The following RTL1 variants were observed in gnomAD, a reference collection of about 807,000 sequenced individuals.
RTL1 encodes retrotransposon-like protein 1.
For synonymous variants in RTL1, 727 were observed against 748.4 expected (o/e 0.97, Z 0.47); for missense variants, 1,681 against 1,767.5 (o/e 0.95, Z 0.88).
At position 100,880,885 on chromosome 14, in the gene RTL1, C is replaced by T. The variant is rs1408567270; in HGVS notation, c.3904G>A (p.Ala1302Thr). Residue 1302 changes from alanine (A) to threonine (T), a missense_variant, in exon 4 of 4, where the codon GCA becomes ACA. By Grantham distance (58) the Ala-to-Thr change is moderately conservative. Coordinates refer to ENST00000649591, the MANE Select transcript of RTL1 (RefSeq NM_001134888.3). ...CTGAGCAGGTGCAGCTGGCCATCTGCACTGTGGATGTGGAGCAGGCGGCTA... is the reference window on the plus strand; with the variant it reads ...CTGAGCAGGTGCAGCTGGCCATCTGTACTGTGGATGTGGAGCAGGCGGCTA... ...LGSRLLHIHS[A>T]DGQLHLLSRE... 7.1e-7 allele frequency: 1 copy of T among 1,412,502 alleles called. No individual in the cohort carries two copies. The highest frequency in any genetic ancestry group is 3.4e-5 in the East Asian group (1 of 29,510). The allele number at this position is 1,412,502 out of a possible 1,614,324, so 87.5% of individuals were successfully genotyped here.
intron 2 of RTL1, among the ~76,000 whole-genome samples, chr14:100,897,421 C>G (rs565726888): frequency 6.6e-6 from 1 of 152,142 alleles, no homozygotes; most frequent in Non-Finnish European, 1.5e-5. Context: ...ATGCTTCCCT[C>G]GATCCCTCCC....
At chr14:100,899,389 C>T (rs529980385) in intron 2 of RTL1, among the ~76,000 whole-genome samples, 7 of 152,228 alleles carry the variant, frequency 4.6e-5, no homozygotes, top group African/African-American at 9.6e-5. Context: ...ACTGGAGTAA[C>T]GATGAGGGGC....
intron 3 of RTL1, among the ~76,000 whole-genome samples, chr14:100,887,379 G>A (rs1201586290): frequency 6.6e-6 from 1 of 152,024 alleles, no homozygotes; most frequent in Non-Finnish European, 1.5e-5. Flanking sequence ...ATTATTTTTA[G>A]CATAGAACAA....
In RTL1 at chr14:100,880,464, TG is replaced by T; in HGVS notation, c.*247del. 3.8e-6 allele frequency: 1 copy of T among 266,616 alleles called. No individual in the cohort carries two copies. The highest frequency in any genetic ancestry group is 5.8e-6 in the Non-Finnish European group (1 of 172,738). 16.5% of individuals were successfully genotyped at this position (266,616 alleles called of 1,614,324 possible). A position where few individuals can be genotyped will look rare whatever the true frequency, so the allele number is the denominator to read the frequency against. ...CACTCCCGGGCATGGGCTTGGGACC[TG>T]GAGAACGGAGAACTCGTAGCCCAGG... On this transcript the variant is annotated 3_prime_UTR_variant, in exon 4 of 4. Coordinates refer to ENST00000649591, the MANE Select transcript of RTL1 (RefSeq NM_001134888.3).
intron 3 of RTL1, among the ~76,000 whole-genome samples, chr14:100,888,586 C>CA (rs1476118608): frequency 6.6e-6 from 1 of 152,172 alleles, no homozygotes. Context: ...TAAAATCTTA[C>CA]AGTGTCTCTT....
At chr14:100,894,119 G>A (rs2038820822) in intron 2 of RTL1, among the ~76,000 whole-genome samples, 1 of 152,116 alleles carries the variant, frequency 6.6e-6, no homozygotes, top group South Asian at 2.1e-4. Flanking sequence ...AGACCAGCCT[G>A]GCTGACACCG....
At chr14:100,902,599 G>C (rs1214314135) in intron 2 of RTL1, among the ~76,000 whole-genome samples, 1 of 148,230 alleles carries the variant, frequency 6.7e-6, no homozygotes, top group Non-Finnish European at 1.5e-5. Flanking sequence ...GCCCTGGTCA[G>C]CCCTGCAGTA....
rs2038588606 is a variant in RTL1 at position 100,880,314 on chromosome 14, C to T, written c.*398G>A. On this transcript the variant is annotated 3_prime_UTR_variant, in exon 4 of 4. Transcript: ENST00000649591. ...GAGGTCAGTGTCCCAGGGTGGCCATCACCAGGCCGGGTGGGGGGCCCCGTC... is the reference window on the plus strand; with the variant it reads ...GAGGTCAGTGTCCCAGGGTGGCCATTACCAGGCCGGGTGGGGGGCCCCGTC... Among the ~76,000 whole-genome samples, 2 of 151,952 alleles carry T rather than the reference C, an allele frequency of 1.3e-5. No homozygotes were observed. The highest frequency in any genetic ancestry group is 2.4e-5 in the African/African-American group (1 of 41,356).
chr14:100,893,629 G>T lies in RTL1; in HGVS notation c.-148-124C>A, dbSNP rs1006848748. Reference sequence around the variant, plus strand: ...CAGTCTTCCAGCCTGCTCTGCTCGCGTGCCTTTCTGTTGTGAGCTTTTTTC... The same window carrying T: ...CAGTCTTCCAGCCTGCTCTGCTCGCTTGCCTTTCTGTTGTGAGCTTTTTTC... On this transcript the variant is annotated intron_variant, in intron 2 of 3. Coordinates refer to ENST00000649591, the MANE Select transcript of RTL1 (RefSeq NM_001134888.3). The surrounding 1 kb of genome is among the most constrained non-coding windows in gnomAD (Gnocchi z 4.2). Among the ~76,000 whole-genome samples the T allele has an allele frequency of 2.0e-5, 3 of 152,226 alleles. No homozygotes were observed. The highest frequency in any genetic ancestry group is 4.4e-5 in the Non-Finnish European group (3 of 68,044).
chr14:100,895,329 T>C (rs1186663885), intron 2 of RTL1, among the ~76,000 whole-genome samples: 1 of 151,858 alleles, frequency 6.6e-6, no homozygotes, highest in Non-Finnish European at 1.5e-5. Flanking sequence ...AGGGCAGGGT[T>C]TGCTTAGGGG....
chr14:100,895,821 C>T (rs1402774485), intron 2 of RTL1, among the ~76,000 whole-genome samples: 1 of 152,054 alleles, frequency 6.6e-6, no homozygotes, highest in Non-Finnish European at 1.5e-5. Flanking sequence ...GCTTATAATC[C>T]CAGCACTTTC....
rs2038634099 is a variant in RTL1 at position 100,882,611 on chromosome 14, G to A, written c.2178C>T (p.Phe726=). The A allele has an allele frequency of 1.3e-6, 2 of 1,551,648 alleles. No individual in the cohort carries two copies. The highest frequency in any genetic ancestry group is 1.4e-5 in the African/African-American group (1 of 73,038). The change falls in exon 4 of 4, where the codon TTC becomes TTT. Residue 726 remains phenylalanine, a synonymous_variant. Transcript: ENST00000649591. ...CTTCCTGGCCATAAGAAAGCACAAA[G>A]AACCCTAGCATGTCCTTTAGGATGA... The part of the protein sequence containing the change: ...IHFILKDMLG[F]FVLSYGQEVL...
At chr14:100,900,278 T>A (rs2038923883) in intron 2 of RTL1, among the ~76,000 whole-genome samples, 1 of 152,258 alleles carries the variant, frequency 6.6e-6, no homozygotes, top group East Asian at 1.9e-4. Context: ...AAATTCTCCC[T>A]GGGCTGGGCT....
Position 100,881,256 on chromosome 14 carries a change from A to G in RTL1, c.3533T>C (p.Leu1178Pro). Residue 1178 changes from leucine to proline, a missense_variant, in exon 4 of 4, where the codon CTG (leucine) becomes CCG (proline). By Grantham distance (98) the Leu-to-Pro change is moderately conservative. Transcript: ENST00000649591. The surrounding 1 kb of genome is among the most constrained non-coding windows in gnomAD (Gnocchi z 6.6). Reference protein sequence around the residue: ...LGPGRWQRNALHSQAHRGLQF... With the variant: ...LGPGRWQRNAPHSQAHRGLQF... ...CAGGCCTCGGTGGGCCTGGGAGTGC[A>G]GAGCATTTCGCTGCCAGCGGCCAGG... The G allele has an allele frequency of 1.9e-6, 3 of 1,549,902 alleles. No individual in the cohort carries two copies. The highest frequency in any genetic ancestry group is 1.7e-4 in the Middle Eastern group (1 of 5,986).
intron 3 of RTL1, 118 bp from the exon 4 acceptor site, chr14:100,884,992 G>T: frequency 2.0e-6 from 1 of 499,450 alleles, no homozygotes; most frequent in Non-Finnish European, 3.5e-6. Context: ...GAGAGAAATG[G>T]GGGAAAGCCT....
At position 100,882,049 on chromosome 14, in the gene RTL1, C is replaced by G. The variant is rs760617593; in HGVS notation, c.2740G>C (p.Glu914Gln). The G allele has an allele frequency of 1.2e-6, 2 of 1,612,596 alleles. No individual in the cohort carries two copies. Among genetic ancestry groups the G allele is most frequent in the South Asian group, 1.1e-5 (1 of 90,902 alleles). Residue 914 changes from glutamate (E) to glutamine (Q), a missense_variant, in exon 4 of 4, where the codon GAG becomes CAG. Transcript: ENST00000649591. ...AFYSRNISPI[E>Q]VEYSQAEMKI... is the part of the protein sequence containing the mutation. ...ATCTCCGCTTGAGAGTACTCAACCT[C>G]GATAGGGGAGATGTTGCGGGAGTAG...
Position 100,882,708 on chromosome 14 carries a change from A to G in RTL1, c.2081T>C (p.Leu694Pro). The change falls in exon 4 of 4, where the codon CTT becomes CCT. Residue 694 changes from leucine (L) to proline (P), a missense_variant. Physicochemically the swap from Leu to Pro is moderately conservative, Grantham distance 98. Transcript: ENST00000649591. ...CGGCTGGTAGCTCTTCATCTCTTCAAGCTCCAAACCAAACGCTGCTTTCCA... is the reference window on the plus strand; with the variant it reads ...CGGCTGGTAGCTCTTCATCTCTTCAGGCTCCAAACCAAACGCTGCTTTCCA... ...DVWKAAFGLE[L>P]EEMKSYQPFA... is the part of the protein sequence containing the mutation. 1 of 1,551,870 alleles carries G rather than the reference A, an allele frequency of 6.4e-7. No individual in the cohort carries two copies. Among genetic ancestry groups the G allele is most frequent in the Middle Eastern group, 1.7e-4 (1 of 5,994 alleles).
chr14:100,895,774 T>TA (rs35733785), intron 2 of RTL1, among the ~76,000 whole-genome samples: 1 of 152,150 alleles, frequency 6.6e-6, no homozygotes. Context: ...TTATTTACCA[T>TA]AAAAATATTT....
intron 2 of RTL1, among the ~76,000 whole-genome samples, chr14:100,894,056 A>G (rs2038819486): frequency 6.6e-6 from 1 of 152,184 alleles, no homozygotes; most frequent in Non-Finnish European, 1.5e-5. Flanking sequence ...CACACCTGTA[A>G]TGCAGCTCGT....
Sources: allele counts gnomAD v4.1 joint callset (sites outside exome capture counted in the v4.1 genomes callset), GRCh38; gene constraint gnomAD v4.1.1; non-coding constraint Gnocchi (gnomAD v3.1); transcripts MANE v1.5; gene names NCBI Gene and HGNC (gene_info 2026-07-23, HGNC 2026-07-21).